The following PINX1 variants were observed in gnomAD, a reference collection of about 807,000 sequenced individuals.
PINX1 encodes the protein PIN2/TERF1-interacting telomerase inhibitor 1.
A neutral mutation model predicts 25.4 loss-of-function variants in PINX1; 34 were observed. That is an observed-to-expected ratio of 1.34 (90% CI 1.02 to 1.78). The LOEUF (loss-of-function observed/expected upper bound fraction) is 1.78. Ranked by LOEUF, PINX1 falls within the 40% of genes most tolerant of loss-of-function variation. The probability of loss-of-function intolerance (pLI) is 0.00; values close to 1 mark genes in which losing one functional copy is unlikely to be tolerated. For synonymous variants in PINX1, 197 were observed against 147.7 expected, an observed-to-expected ratio of 1.33 and a Z score of -2.42; for missense variants, 592 against 404.9, an observed-to-expected ratio of 1.46 and a Z score of -3.97.
At chr8:10,777,153 C>G (rs1194745973) in intron 6 of PINX1, among the ~76,000 whole-genome samples, 1 of 152,230 alleles carries the variant, frequency 6.6e-6, no homozygotes, top group Non-Finnish European at 1.5e-5. Flanking sequence ...ACTTCCAACC[C>G]TTGGGTGTGT....
At chr8:10,790,129 T>C (rs992256987) in intron 6 of PINX1, among the ~76,000 whole-genome samples, 5 of 152,034 alleles carry the variant, frequency 3.3e-5, no homozygotes, top group Non-Finnish European at 7.4e-5. Flanking sequence ...CCTCATCCCT[T>C]TCCCTTCCAG....
At chr8:10,824,168 G>A (rs1797964862) in intron 5 of PINX1, among the ~76,000 whole-genome samples, 1 of 152,178 alleles carries the variant, frequency 6.6e-6, no homozygotes, top group Non-Finnish European at 1.5e-5. Context: ...ACTTACAAAT[G>A]TATCCACATT....
chr8:10,827,106 G>T (rs1156306362), intron 4 of PINX1, among the ~76,000 whole-genome samples: 5 of 152,146 alleles, frequency 3.3e-5, no homozygotes, highest in Non-Finnish European at 5.9e-5. Flanking sequence ...CTCCACCCTG[G>T]GAGAACAGGG....
chr8:10,813,924 G>C (rs1301111484), intron 6 of PINX1, among the ~76,000 whole-genome samples: 1 of 150,990 alleles, frequency 6.6e-6, no homozygotes, highest in Admixed American at 6.6e-5. Context: ...AAAAAAAAAA[G>C]AGTAGCAGGA....
chr8:10,765,423 TTC>T lies in PINX1; in HGVS notation c.963_964del (p.Lys322GlufsTer31). 6.2e-7 allele frequency: 1 copy of T among 1,605,838 alleles called. No homozygotes were observed. The highest frequency in any genetic ancestry group is 8.5e-7 in the Non-Finnish European group (1 of 1,177,646). Reference sequence around the variant, plus strand: ...GATTCATTTGGAATCTTTCTTCTTCTTCTTTTTCACTAGCGTTTCTTCTAGTG... The same window carrying T: ...GATTCATTTGGAATCTTTCTTCTTCTTTTTTCACTAGCGTTTCTTCTAGTG... On this transcript the variant is annotated frameshift_variant, in exon 7 of 7. Transcript: ENST00000314787. LOFTEE classifies it high-confidence loss of function.
At chr8:10,816,251 T>A (rs1797693930) in intron 6 of PINX1, among the ~76,000 whole-genome samples, 1 of 152,202 alleles carries the variant, frequency 6.6e-6, no homozygotes, top group African/African-American at 2.4e-5. Context: ...TGTACTGTAG[T>A]TACGTAAGAT....
chr8:10,819,851 C>A (rs1379763715), intron 6 of PINX1, among the ~76,000 whole-genome samples: 2 of 152,164 alleles, frequency 1.3e-5, no homozygotes, highest in African/African-American at 4.8e-5. Context: ...GCAGAACAGA[C>A]AAAATCCCTC....
chr8:10,816,114 G>C (rs1459761396), intron 6 of PINX1, among the ~76,000 whole-genome samples: 1 of 152,280 alleles, frequency 6.6e-6, no homozygotes, highest in Middle Eastern at 3.4e-3. Context: ...GGGAGGCCTT[G>C]GTGGTAATGA....
chr8:10,787,608 G>A (rs1801792986), intron 6 of PINX1: 2 of 315,524 alleles, frequency 6.3e-6, no homozygotes, highest in Non-Finnish European at 6.2e-6. Flanking sequence ...GCTATGTGAT[G>A]GCAAGAACCA....
At chr8:10,825,250 CA>C in intron 5 of PINX1, 1 of 479,694 alleles carries the variant, frequency 2.1e-6, no homozygotes, top group Non-Finnish European at 4.3e-6. Context: ...AAGAGCTTCC[CA>C]GCAATGCCCT....
chr8:10,774,692 T>G (rs1023952662), intron 6 of PINX1, among the ~76,000 whole-genome samples: 1 of 152,188 alleles, frequency 6.6e-6, no homozygotes, highest in Non-Finnish European at 1.5e-5. Flanking sequence ...AAAGGTAAAT[T>G]AGGTGAATAT....
intron 6 of PINX1, among the ~76,000 whole-genome samples, chr8:10,780,378 G>C (rs773364502): frequency 2.6e-5 from 4 of 152,044 alleles, no homozygotes; most frequent in Non-Finnish European, 4.4e-5. Flanking sequence ...TTATTTTGTT[G>C]AGAAATTTTC....
At chr8:10,812,044 A>C (rs1797539678) in intron 6 of PINX1, among the ~76,000 whole-genome samples, 1 of 152,226 alleles carries the variant, frequency 6.6e-6, no homozygotes, top group African/African-American at 2.4e-5. Context: ...AACTGAGTTT[A>C]CAGATAAAAT....
chr8:10,801,120 G>T (rs796079475), intron 6 of PINX1, among the ~76,000 whole-genome samples: 4 of 152,260 alleles, frequency 2.6e-5, no homozygotes, highest in African/African-American at 9.6e-5. Flanking sequence ...GTAGAAAACC[G>T]AATTCCAGAA....
intron 5 of PINX1, chr8:10,825,249 C>A (rs1797999638): frequency 2.1e-6 from 1 of 477,860 alleles, no homozygotes; most frequent in African/African-American, 2.0e-5. Context: ...TAAGAGCTTC[C>A]CAGCAATGCC....
At chr8:10,790,764 C>T (rs1003779182) in intron 6 of PINX1, among the ~76,000 whole-genome samples, 2 of 152,142 alleles carry the variant, frequency 1.3e-5, no homozygotes, top group African/African-American at 2.4e-5. Flanking sequence ...TTTATCTCTG[C>T]TGCTAAAGGG....
chr8:10,811,549 G>A (rs928179164), intron 6 of PINX1, among the ~76,000 whole-genome samples: 3 of 152,110 alleles, frequency 2.0e-5, no homozygotes, highest in African/African-American at 7.2e-5. Context: ...TATTTCTGTG[G>A]GTTAGCAATT....
chr8:10,796,372 C>G (rs1434404115), intron 6 of PINX1, among the ~76,000 whole-genome samples: 1 of 152,042 alleles, frequency 6.6e-6, no homozygotes, highest in South Asian at 2.1e-4. Context: ...TAGAGACACC[C>G]GCAAGAATCC....
chr8:10,808,914 C>T (rs1180744298), intron 6 of PINX1, among the ~76,000 whole-genome samples: 1 of 152,164 alleles, frequency 6.6e-6, no homozygotes, highest in Non-Finnish European at 1.5e-5. Flanking sequence ...GGAAAAAAAA[C>T]TGCAGTCACA....
Sources: allele counts gnomAD v4.1 joint callset (sites outside exome capture counted in the v4.1 genomes callset), GRCh38; gene constraint gnomAD v4.1.1; transcripts MANE v1.5; gene names NCBI Gene and HGNC (gene_info 2026-07-23, HGNC 2026-07-21).